Variants in ZDHHC23 observed in about 807,000 individuals in gnomAD.
The protein encoded by ZDHHC23 is palmitoyltransferase ZDHHC23.
ZDHHC23 carries 41 observed loss-of-function variants against 40.2 expected under a neutral mutation model. The ratio of observed to expected loss-of-function variants is 1.02; its 90% CI spans 0.79 to 1.32. ZDHHC23 has a LOEUF of 1.32. Among genes scored for constraint, ZDHHC23 ranks in the 40% most tolerant of loss-of-function variants. The probability of loss-of-function intolerance (pLI) is 0.00; values close to 1 mark genes in which losing one functional copy is unlikely to be tolerated. For missense variants in ZDHHC23, 471 were observed against 541.5 expected, an observed-to-expected ratio of 0.87 and a Z score of 1.29; for synonymous variants, 204 against 210.2, an observed-to-expected ratio of 0.97 and a Z score of 0.26.
Position 113,958,326 on chromosome 3 carries a change from A to G in ZDHHC23, c.1041-37A>G, listed in dbSNP as rs112528919. 2.9e-4 allele frequency: 459 copies of G among 1,561,286 alleles called. 2 individuals are homozygous for G. The African/African-American group carries it at 4.9e-3, about 17-fold the overall frequency. On this transcript the variant is annotated intron_variant, in intron 4 of 4. Transcript: ENST00000638807. ...TGATGACAGTTTTCTGAATTTGACA[A>G]AAACGGCAGCCCTGACAGCCTTTTT...
rs367871111 is a variant in ZDHHC23, at chr3:113,960,729, G to A, written c.*2099G>A. Reference sequence around the variant, plus strand: ...AACTTACCTCTAATAGGGTTACTTGGATGAGCCAACTCCGCTTCCTTCCCA... The same window carrying A: ...AACTTACCTCTAATAGGGTTACTTGAATGAGCCAACTCCGCTTCCTTCCCA... On this transcript the variant is annotated 3_prime_UTR_variant, in exon 5 of 5. Transcript: ENST00000638807. 5 of 1,585,914 alleles carry A rather than the reference G, an allele frequency of 3.2e-6. No individual in the cohort carries two copies. Among genetic ancestry groups the A allele is most frequent in the Non-Finnish European group, 4.3e-6 (5 of 1,169,906 alleles).
chr3:113,972,354 T>C, the ZDHHC23 span, among the ~76,000 whole-genome samples: 123 of 152,268 alleles, frequency 8.1e-4, no homozygotes, highest in African/African-American at 2.9e-3. Flanking sequence ...TTCAGGAGCA[T>C]GTTGTTTAAT....
At chr3:113,949,872 G>A (rs574620470) in intron 2 of ZDHHC23, among the ~76,000 whole-genome samples, 21 of 152,194 alleles carry the variant, frequency 1.4e-4, no homozygotes, top group Non-Finnish European at 2.8e-4. Flanking sequence ...ACCCTTTGTC[G>A]TTCTTACTTG....
At chr3:113,957,748 C>T (rs1939367016) in intron 4 of ZDHHC23, 1 of 518,580 alleles carries the variant, frequency 1.9e-6, no homozygotes, top group African/African-American at 1.9e-5. Context: ...GGCTAACTGG[C>T]AGCCTGTCTC....
rs758792735 is a variant in ZDHHC23, at chr3:113,948,765, T to G, written c.-38T>G. The G allele has an allele frequency of 1.9e-5, 31 of 1,613,076 alleles. No individual in the cohort carries two copies. The highest frequency in any genetic ancestry group is 2.6e-5 in the Non-Finnish European group (31 of 1,179,564). On this transcript the variant is annotated 5_prime_UTR_variant, in exon 2 of 5. Coordinates refer to ENST00000638807, the MANE Select transcript of ZDHHC23 (RefSeq NM_001320466.2). ...TTGTGTTCTTTCCACCTTTACCTTC[T>G]GAGGGCTTCTTACGCCTCATGGTGA...
chr3:113,965,301 C>G, downstream of ZDHHC23: 1 of 1,611,284 alleles, frequency 6.2e-7, no homozygotes, highest in East Asian at 2.2e-5. Flanking sequence ...TTTACTCTTT[C>G]CTCTTTCATA....
At chr3:113,970,423 G>C in the ZDHHC23 span, among the ~76,000 whole-genome samples, 11 of 152,136 alleles carry the variant, frequency 7.2e-5, no homozygotes, top group African/African-American at 2.7e-4. Flanking sequence ...GCCTCCCAAA[G>C]CCCTGGGATT....
intron 4 of ZDHHC23, among the ~76,000 whole-genome samples, chr3:113,956,740 ACAGGACCAGG>A (rs2107494546): frequency 1.3e-5 from 2 of 152,384 alleles, no homozygotes; most frequent in South Asian, 4.1e-4. Flanking sequence ...TTCTCTACAA[ACAGGACCAGG>A]CCTAATCAGG....
rs546179868 is a variant in ZDHHC23, at chr3:113,957,170, G to GC, written c.1040+670dup. Among the ~76,000 whole-genome samples, 8 of 152,200 alleles carry GC rather than the reference G, an allele frequency of 5.3e-5. No individual in the cohort carries two copies. The South Asian group carries it at 1.0e-3, about 20-fold the overall frequency. Reference sequence around the variant, plus strand: ...CAGCGCCCCCTCCCTGAATGCTGGGGCCCCCCTCTGCCCATGCTCTTTATT... The same window carrying GC: ...CAGCGCCCCCTCCCTGAATGCTGGGGCCCCCCCTCTGCCCATGCTCTTTATT... On this transcript the variant is annotated intron_variant, in intron 4 of 4. Coordinates refer to ENST00000638807, the MANE Select transcript of ZDHHC23 (RefSeq NM_001320466.2).
the ZDHHC23 span, chr3:113,978,762 A>G: frequency 7.4e-7 from 1 of 1,347,060 alleles, no homozygotes; most frequent in East Asian, 2.3e-5. Flanking sequence ...TTCTTGAAAA[A>G]ACATAATGAC....
chr3:113,970,651 T>C, the ZDHHC23 span, among the ~76,000 whole-genome samples: 1 of 152,150 alleles, frequency 6.6e-6, no homozygotes, highest in African/African-American at 2.4e-5. Context: ...ATGTGTCATG[T>C]TGGTGTGCTG....
In ZDHHC23 at chr3:113,960,523, A is replaced by G; in HGVS notation, c.*1893A>G. 8 of 1,411,660 alleles carry G rather than the reference A, an allele frequency of 5.7e-6. No homozygotes were observed. Among genetic ancestry groups the G allele is most frequent in the Non-Finnish European group, 6.4e-6 (7 of 1,090,688 alleles). The allele number at this position is 1,411,660 out of a possible 1,614,324, so 87.4% of individuals were successfully genotyped here. A position where few individuals can be genotyped will look rare whatever the true frequency, so the allele number is the denominator to read the frequency against. On this transcript the variant is annotated 3_prime_UTR_variant, in exon 5 of 5. Coordinates refer to ENST00000638807, the MANE Select transcript of ZDHHC23 (RefSeq NM_001320466.2). The stretch of plus-strand genomic sequence containing the variant: ...AGTCGTGCTTTTGAATGTCAGCTGT[A>G]GAGCCAACTCTGATTATCTAGCCAT...
Position 113,958,910 on chromosome 3 carries a change from T to C in ZDHHC23, c.*280T>C. 1.6e-6 allele frequency: 2 copies of C among 1,255,164 alleles called. No homozygotes were observed. The highest frequency in any genetic ancestry group is 2.0e-6 in the Non-Finnish European group (2 of 977,966). 77.8% of individuals were successfully genotyped at this position (1,255,164 alleles called of 1,614,324 possible). On this transcript the variant is annotated 3_prime_UTR_variant, in exon 5 of 5. Coordinates refer to ENST00000638807, the MANE Select transcript of ZDHHC23 (RefSeq NM_001320466.2). ...AGGATGTGGATTGCTAATGCACAAA[T>C]TGATAGAAGCAATTCCCATCCATTA...
At chr3:113,964,888 A>G (rs1301591625), downstream of ZDHHC23, 1 of 251,136 alleles carries the variant, frequency 4.0e-6, no homozygotes, top group Admixed American at 5.5e-5. Context: ...AAAGTTTACT[A>G]TGCTAAAAAT....
intron 4 of ZDHHC23, among the ~76,000 whole-genome samples, chr3:113,957,267 C>T (rs943847176): frequency 6.6e-6 from 1 of 152,300 alleles, no homozygotes; most frequent in South Asian, 2.1e-4. Context: ...TCTTTATTCT[C>T]ACTCTTCATT....
At chr3:113,952,188 G>A (rs1938738150) in intron 2 of ZDHHC23, among the ~76,000 whole-genome samples, 1 of 151,700 alleles carries the variant, frequency 6.6e-6, no homozygotes, top group Non-Finnish European at 1.5e-5. Context: ...TTTATGAGAA[G>A]CCATGCAGCA....
chr3:113,977,074 C>CACAA, the ZDHHC23 span, among the ~76,000 whole-genome samples: 1 of 152,082 alleles, frequency 6.6e-6, no homozygotes, highest in African/African-American at 2.4e-5. Flanking sequence ...AACACCCATG[C>CACAA]ACAAACATGC....
Position 113,948,163 on chromosome 3 carries a change from T to G in ZDHHC23, c.-145T>G, listed in dbSNP as rs1938263132. ...CCCATCTCCCCTCCGCCTCTTTGGC[T>G]GCAGTTGCACCTCCGGCCAGAGGGC... is the stretch of plus-strand genomic sequence containing the variant. On this transcript the variant is annotated 5_prime_UTR_variant, in exon 1 of 5. Coordinates refer to ENST00000638807, the MANE Select transcript of ZDHHC23 (RefSeq NM_001320466.2). 1 of 152,214 alleles carries G rather than the reference T, an allele frequency of 6.6e-6. No individual in the cohort carries two copies. Among genetic ancestry groups the G allele is most frequent in the Non-Finnish European group, 1.5e-5 (1 of 68,102 alleles). 9.4% of individuals were successfully genotyped at this position (152,214 alleles called of 1,614,324 possible). A position where few individuals can be genotyped will look rare whatever the true frequency, so the allele number is the denominator to read the frequency against.
chr3:113,976,338 C>CTGA, the ZDHHC23 span, among the ~76,000 whole-genome samples: 13 of 151,542 alleles, frequency 8.6e-5, no homozygotes, highest in African/African-American at 3.1e-4. Flanking sequence ...GGGAGGAAGA[C>CTGA]TGATGTAGCA....
Sources: allele counts gnomAD v4.1 joint callset (sites outside exome capture counted in the v4.1 genomes callset), GRCh38; gene constraint gnomAD v4.1.1; transcripts MANE v1.5; gene names NCBI Gene and HGNC (gene_info 2026-07-23, HGNC 2026-07-21).